The following GALNT18 variants were observed in gnomAD, a reference collection of about 807,000 sequenced individuals.
GALNT18 encodes polypeptide N-acetylgalactosaminyltransferase 18, also known as GalNAc-transferase 18.
In GALNT18, 44 loss-of-function variants were observed where a neutral mutation model predicts 69.5. The observed-to-expected ratio is 0.63, with a 90% CI of 0.50 to 0.81. GALNT18 has a LOEUF of 0.81. GALNT18 is among the 40% of genes least tolerant of loss of function. The probability of loss-of-function intolerance (pLI) is 0.00; values close to 1 mark genes in which losing one functional copy is unlikely to be tolerated. For synonymous variants in GALNT18, 364 were observed against 318.2 expected, an observed-to-expected ratio of 1.14 and a Z score of -1.53; for missense variants, 715 against 810.0, an observed-to-expected ratio of 0.88 and a Z score of 1.42.
chr11:11,599,259 T>C (rs1344734829), intron 1 of GALNT18, among the ~76,000 whole-genome samples: 3 of 152,144 alleles, frequency 2.0e-5, no homozygotes, highest in East Asian at 3.8e-4. Context: ...TTTTGCTTCA[T>C]GTATTTTAGT....
In GALNT18 at chr11:11,497,642, A is replaced by G. The variant is rs1856893954; in HGVS notation, c.236-48706T>C. 6.6e-6 allele frequency among the ~76,000 whole-genome samples: 1 copy of G among 151,972 alleles called. No individual in the cohort carries two copies. Among genetic ancestry groups the G allele is most frequent in the South Asian group, 2.1e-4 (1 of 4,814 alleles). On this transcript the variant is annotated intron_variant, in intron 1 of 10. Coordinates refer to ENST00000227756, the MANE Select transcript of GALNT18 (RefSeq NM_198516.3). The surrounding 1 kb of genome is among the most constrained non-coding windows in gnomAD (Gnocchi z 4.2). ...CAAACACACAGTATTTCCAGTAACA[A>G]CTCTCTTATCTAACATGGTCAGGAG...
chr11:11,401,940 A>G (rs1854477084), intron 3 of GALNT18, among the ~76,000 whole-genome samples: 1 of 152,246 alleles, frequency 6.6e-6, no homozygotes, highest in Non-Finnish European at 1.5e-5. Context: ...AGAGTAAGGA[A>G]GGGCTTTACA....
At chr11:11,447,038 C>T (rs921435637) in intron 2 of GALNT18, among the ~76,000 whole-genome samples, 20 of 152,120 alleles carry the variant, frequency 1.3e-4, no homozygotes, top group African/African-American at 1.9e-4. Context: ...TTGAGAACCA[C>T]GGCCCTAATG....
At chr11:11,451,712 A>G (rs948323543) in intron 1 of GALNT18, among the ~76,000 whole-genome samples, 3 of 152,238 alleles carry the variant, frequency 2.0e-5, no homozygotes, top group Non-Finnish European at 4.4e-5. Flanking sequence ...CTCCTAGCAC[A>G]GTAACTGCTT....
At chr11:11,291,727 G>A (rs1370868761) in intron 10 of GALNT18, among the ~76,000 whole-genome samples, 1 of 152,116 alleles carries the variant, frequency 6.6e-6, no homozygotes, top group Non-Finnish European at 1.5e-5. Flanking sequence ...CTGCTTTCCT[G>A]TGTTCACAAA....
At chr11:11,371,839 G>A (rs78975035) in intron 6 of GALNT18, among the ~76,000 whole-genome samples, 4,515 of 152,306 alleles carry the variant, frequency 0.03, 93 homozygotes, top group Middle Eastern at 0.099. Context: ...GGCCAAGGGG[G>A]AAGAGCCAGA....
chr11:11,328,295 G>T (rs1433566850), intron 8 of GALNT18, among the ~76,000 whole-genome samples: 4 of 152,082 alleles, frequency 2.6e-5, no homozygotes, highest in Non-Finnish European at 5.9e-5. Context: ...ACCTTAACTT[G>T]AGCTGGCTTG....
rs190798735 is a variant in GALNT18 at position 11,497,154 on chromosome 11, C to T, written c.236-48218G>A. Among the ~76,000 whole-genome samples, 1 of 152,106 alleles carries T rather than the reference C, an allele frequency of 6.6e-6. No homozygotes were observed. Among genetic ancestry groups the T allele is most frequent in the African/African-American group, 2.4e-5 (1 of 41,428 alleles). On this transcript the variant is annotated intron_variant, in intron 1 of 10. Transcript: ENST00000227756. This position sits in a 1 kb window ranked among gnomAD's most constrained non-coding sequence, Gnocchi z 4.2. ...GCCAGACCCTTCTTGTCATGCAAGTCTCAGCTCAATCATTGCTTGCCACAG... is the reference window on the plus strand; with the variant it reads ...GCCAGACCCTTCTTGTCATGCAAGTTTCAGCTCAATCATTGCTTGCCACAG...
chr11:11,362,826 A>G (rs529235203), intron 6 of GALNT18, among the ~76,000 whole-genome samples: 22 of 152,320 alleles, frequency 1.4e-4, no homozygotes, highest in African/African-American at 5.1e-4. Context: ...TGACTTCGCA[A>G]TTCCATTTCT....
chr11:11,323,342 T>G (rs1453037391), intron 9 of GALNT18, among the ~76,000 whole-genome samples: 1 of 152,232 alleles, frequency 6.6e-6, no homozygotes, highest in East Asian at 1.9e-4. Flanking sequence ...AAAACACAAC[T>G]GTGGGAAAGG....
At chr11:11,548,115 T>G (rs778161305) in intron 1 of GALNT18, among the ~76,000 whole-genome samples, 3 of 152,202 alleles carry the variant, frequency 2.0e-5, no homozygotes. Flanking sequence ...CATTTTTCAT[T>G]TCCCAGATTT....
At chr11:11,472,754 T>G (rs1487607377) in intron 1 of GALNT18, among the ~76,000 whole-genome samples, 1 of 152,200 alleles carries the variant, frequency 6.6e-6, no homozygotes, top group Non-Finnish European at 1.5e-5. Context: ...TATTTCATTT[T>G]CAGAATAAAC....
At position 11,271,027 on chromosome 11, in the gene GALNT18, C is replaced by T. The variant is rs370980683; in HGVS notation, c.*117G>A. 1 of 832,902 alleles carries T rather than the reference C, an allele frequency of 1.2e-6. No homozygotes were observed. Among genetic ancestry groups the T allele is most frequent in the East Asian group, 2.5e-5 (1 of 39,276 alleles). The allele number at this position is 832,902 out of a possible 1,614,324, so 51.6% of individuals were successfully genotyped here. On this transcript the variant is annotated 3_prime_UTR_variant, in exon 11 of 11. Coordinates refer to ENST00000227756, the MANE Select transcript of GALNT18 (RefSeq NM_198516.3). ...ATTGAATAGGAAATAAAAAGCTCTT[C>T]TTGGGGGCCCACTAACCTGGTTCCC... is the stretch of plus-strand genomic sequence containing the variant.
At chr11:11,300,708 T>C (rs1209258159) in intron 9 of GALNT18, among the ~76,000 whole-genome samples, 1 of 152,068 alleles carries the variant, frequency 6.6e-6, no homozygotes, top group East Asian at 1.9e-4. Flanking sequence ...TGAGAGCAAA[T>C]GAAATCACAA....
chr11:11,315,038 A>ATGTGTGTG lies in GALNT18; in HGVS notation c.1512+12040_1512+12047dup, dbSNP rs10537962. On this transcript the variant is annotated intron_variant, in intron 9 of 10. Transcript: ENST00000227756. This position sits in a 1 kb window ranked among gnomAD's most constrained non-coding sequence, Gnocchi z 5.6. ...GCAGAGATGGACACATACTAATTAT[A>ATGTGTGTG]TGTGTGTGTGTGTGTGTGTGTGTGT... Among the ~76,000 whole-genome samples the ATGTGTGTG allele has an allele frequency of 2.7e-3, 411 of 150,198 alleles. 1 individual carries two copies. Among genetic ancestry groups the ATGTGTGTG allele is most frequent in the South Asian group, 6.2e-3 (29 of 4,708 alleles).
intron 9 of GALNT18, among the ~76,000 whole-genome samples, chr11:11,313,046 T>C (rs1189220205): frequency 6.6e-6 from 1 of 152,084 alleles, no homozygotes; most frequent in Non-Finnish European, 1.5e-5. Context: ...AAGGACACCT[T>C]AGATAGGATG....
intron 1 of GALNT18, among the ~76,000 whole-genome samples, chr11:11,569,063 T>G (rs933325307): frequency 5.3e-5 from 8 of 152,296 alleles, no homozygotes; most frequent in African/African-American, 1.7e-4. Flanking sequence ...TTCTTGTATA[T>G]TCTGTGGCCA....
At position 11,473,259 on chromosome 11, in the gene GALNT18, A is replaced by C. The variant is rs1328294550; in HGVS notation, c.236-24323T>G. ...TGACTTCTTCAGTGCAAAATACTTC[A>C]AGGCAAGAGCTTTGGATGAGTGAAA... On this transcript the variant is annotated intron_variant, in intron 1 of 10. Transcript: ENST00000227756. Among the ~76,000 whole-genome samples, 6 of 152,346 alleles carry C rather than the reference A, an allele frequency of 3.9e-5. No homozygotes were observed. In the East Asian group the frequency reaches 1.2e-3, roughly 29 times the overall value.
In GALNT18 at chr11:11,614,940, T is replaced by G. The variant is rs2133969827; in HGVS notation, c.235+6419A>C. On this transcript the variant is annotated intron_variant, in intron 1 of 10. Coordinates refer to ENST00000227756, the MANE Select transcript of GALNT18 (RefSeq NM_198516.3). This position sits in a 1 kb window ranked among gnomAD's most constrained non-coding sequence, Gnocchi z 5.6. ...TCTTTGGTCACGGGGAAAAGTTGTGTCCTTTGGCAAGGCTTTTCTTCTTCA... is the reference window on the plus strand; with the variant it reads ...TCTTTGGTCACGGGGAAAAGTTGTGGCCTTTGGCAAGGCTTTTCTTCTTCA... 6.6e-6 allele frequency among the ~76,000 whole-genome samples: 1 copy of G among 152,344 alleles called. No homozygotes were observed. The highest frequency in any genetic ancestry group is 2.1e-4 in the South Asian group (1 of 4,826).
Sources: allele counts gnomAD v4.1 joint callset (sites outside exome capture counted in the v4.1 genomes callset), GRCh38; gene constraint gnomAD v4.1.1; non-coding constraint Gnocchi (gnomAD v3.1); transcripts MANE v1.5; gene names NCBI Gene and HGNC (gene_info 2026-07-23, HGNC 2026-07-21).